VTA1: variants seen among roughly 807,000 people sequenced by gnomAD.
The protein encoded by VTA1 is vacuolar protein sorting-associated protein VTA1 homolog.
A neutral mutation model predicts 36.9 loss-of-function variants in VTA1; 24 were observed. That is an observed-to-expected ratio of 0.65 (90% CI 0.47 to 0.91). The LOEUF is 0.91. Ranked by LOEUF, VTA1 falls within the 40% of genes least tolerant of loss-of-function variation. VTA1 has a pLI of 0.00. For missense variants in VTA1, 393 were observed against 377.2 expected, an observed-to-expected ratio of 1.04 and a Z score of -0.35; for synonymous variants, 142 against 130.2, an observed-to-expected ratio of 1.09 and a Z score of -0.62.
intron 1 of VTA1, among the ~76,000 whole-genome samples, chr6:142,150,959 C>G (rs1307544245): frequency 6.6e-6 from 1 of 151,128 alleles, no homozygotes; most frequent in Non-Finnish European, 1.5e-5. Flanking sequence ...AAAGAGCATT[C>G]TAATTTGAGG....
At chr6:142,159,398 T>C (rs189700296) in intron 1 of VTA1, among the ~76,000 whole-genome samples, 34 of 151,950 alleles carry the variant, frequency 2.2e-4, no homozygotes, top group Admixed American at 1.4e-3. Context: ...TAGTTTATAT[T>C]GCAATGTTCC....
intron 4 of VTA1, among the ~76,000 whole-genome samples, chr6:142,171,085 AC>A (rs1392068559): frequency 1.3e-5 from 2 of 151,424 alleles, no homozygotes; most frequent in African/African-American, 4.9e-5. Context: ...TGTTGAACAT[AC>A]TTGAGGTAGA....
intron 5 of VTA1, among the ~76,000 whole-genome samples, chr6:142,192,312 C>T (rs1256936844): frequency 6.6e-6 from 1 of 151,996 alleles, no homozygotes; most frequent in East Asian, 1.9e-4. Flanking sequence ...GAGCATGTTT[C>T]ATGTAGGCTA....
Position 142,218,625 on chromosome 6 carries a change from G to T in VTA1, c.906G>T (p.Leu302=), listed in dbSNP as rs1377959975. Residue 302 remains leucine, a synonymous_variant, in exon 8 of 8, where the codon CTG becomes CTT. Coordinates refer to ENST00000367630, the MANE Select transcript of VTA1 (RefSeq NM_016485.5). ...ATCTACAAAAGGCTCTCAAGTTACT[G>T]ACGACAGGCAGAGAATGAAGCCTTT... ...VQNLQKALKL[L]TTGRE 16 of 1,610,484 alleles carry T rather than the reference G, an allele frequency of 9.9e-6. No homozygotes were observed. The highest frequency in any genetic ancestry group is 1.3e-5 in the Non-Finnish European group (15 of 1,178,868).
chr6:142,155,603 GA>G (rs1434970965), intron 1 of VTA1, among the ~76,000 whole-genome samples: 1 of 152,110 alleles, frequency 6.6e-6, no homozygotes, highest in African/African-American at 2.4e-5. Context: ...GACCCCTCAT[GA>G]TTTGAGTTCT....
chr6:142,154,761 A>G (rs984394511), intron 1 of VTA1, among the ~76,000 whole-genome samples: 21 of 152,092 alleles, frequency 1.4e-4, no homozygotes, highest in African/African-American at 4.1e-4. Flanking sequence ...CCATATGGGT[A>G]TCATCTTCAG....
intron 7 of VTA1, among the ~76,000 whole-genome samples, chr6:142,207,640 G>T (rs1324442536): frequency 6.6e-6 from 1 of 151,942 alleles, no homozygotes; most frequent in African/African-American, 2.4e-5. Context: ...TAGCAGTGAA[G>T]ATTTGTTGAG....
At chr6:142,189,715 T>G (rs1775414811) in intron 5 of VTA1, among the ~76,000 whole-genome samples, 181 bp downstream of exon 5, 1 of 151,742 alleles carries the variant, frequency 6.6e-6, no homozygotes, top group African/African-American at 2.4e-5. Flanking sequence ...GTCAAACTGC[T>G]GTAATACCTG....
At chr6:142,181,094 A>AAATATATATATATATAT (rs1471429927) in intron 4 of VTA1, among the ~76,000 whole-genome samples, 32 of 36,434 alleles carry the variant, frequency 8.8e-4, no homozygotes, top group Non-Finnish European at 1.5e-3. Context: ...AAAAAAAAAA[A>AAATATATATATATATAT]ATATATATAT....
intron 6 of VTA1, 66 bp from the exon 7 acceptor site, chr6:142,203,919 G>A (rs1160926742): frequency 7.7e-7 from 1 of 1,305,806 alleles, no homozygotes; most frequent in East Asian, 2.4e-5. Context: ...ATTTTTAAGT[G>A]CTGCCCTGCT....
At chr6:142,211,077 C>T (rs1775893584) in intron 7 of VTA1, among the ~76,000 whole-genome samples, 1 of 151,898 alleles carries the variant, frequency 6.6e-6, no homozygotes, top group Non-Finnish European at 1.5e-5. Context: ...CAGAAAGACA[C>T]ATATCGTATG....
rs148987320 is a variant in VTA1, at chr6:142,212,078, A to G, written c.779-6420A>G. ...CATTCATTGCTGGTGGGAATGCAAA[A>G]TGATACAGCCATTTTAAAAGACAGT... On this transcript the variant is annotated intron_variant, in intron 7 of 7. Coordinates refer to ENST00000367630, the MANE Select transcript of VTA1 (RefSeq NM_016485.5). Among the ~76,000 whole-genome samples, 1,220 of 152,346 alleles carry G rather than the reference A, an allele frequency of 8.0e-3. 45 individuals are homozygous for G. The highest frequency in any genetic ancestry group is 0.063 in the Admixed American group (970 of 15,304).
chr6:142,213,635 A>G (rs1259033769), intron 7 of VTA1, among the ~76,000 whole-genome samples: 1 of 152,192 alleles, frequency 6.6e-6, no homozygotes, highest in African/African-American at 2.4e-5. Flanking sequence ...ATTTCCATAC[A>G]TTCTTTGAAA....
At chr6:142,188,235 T>C (rs1211148752) in intron 4 of VTA1, among the ~76,000 whole-genome samples, 4 of 102,118 alleles carry the variant, frequency 3.9e-5, no homozygotes, top group Non-Finnish European at 6.0e-5. Flanking sequence ...CTTTTTTTTT[T>C]TTTTTTTTTT....
intron 1 of VTA1, among the ~76,000 whole-genome samples, chr6:142,161,089 C>CG (rs1350593969): frequency 7.0e-6 from 1 of 143,494 alleles, no homozygotes; most frequent in East Asian, 2.2e-4. Context: ...CCCCCCCCCC[C>CG]CTTTTTTTGG....
At chr6:142,151,853 G>A (rs1778574458) in intron 1 of VTA1, among the ~76,000 whole-genome samples, 2 of 152,184 alleles carry the variant, frequency 1.3e-5, no homozygotes, top group African/African-American at 4.8e-5. Context: ...GGCCAATATG[G>A]TGAAACCCCA....
At chr6:142,148,649 T>C (rs1233389962) in intron 1 of VTA1, among the ~76,000 whole-genome samples, 1 of 152,138 alleles carries the variant, frequency 6.6e-6, no homozygotes, top group African/African-American at 2.4e-5. Flanking sequence ...GAGTCTATCA[T>C]ACATAGAGTA....
intron 4 of VTA1, 103 bp from the exon 5 acceptor site, chr6:142,189,323 A>G (rs1272187134): frequency 1.1e-6 from 1 of 946,928 alleles, no homozygotes; most frequent in African/African-American, 1.7e-5. Flanking sequence ...TGTAATCTGC[A>G]AAAATAGGTT....
At chr6:142,208,590 C>T (rs1242430211) in intron 7 of VTA1, among the ~76,000 whole-genome samples, 1 of 151,966 alleles carries the variant, frequency 6.6e-6, no homozygotes, top group Non-Finnish European at 1.5e-5. Flanking sequence ...CTTTTAACAC[C>T]GAACAGATTC....
Sources: gnomAD v4.1 joint callset for allele counts (sites outside exome capture counted in the v4.1 genomes callset) on GRCh38, gnomAD v4.1.1 for gene constraint, MANE v1.5 for transcripts, NCBI Gene and HGNC (gene_info 2026-07-23, HGNC 2026-07-21) for gene names.